MMD: variants seen among roughly 807,000 people sequenced by gnomAD.
The protein encoded by MMD is monocyte to macrophage differentiation associated, also known as monocyte to macrophage differentiation factor.
A neutral mutation model predicts 33.6 loss-of-function variants in MMD; 22 were observed. That is an observed-to-expected ratio of 0.66 (90% CI 0.47 to 0.94). The LOEUF is 0.94. Ranked by LOEUF, MMD falls within the 40% of genes least tolerant of loss-of-function variation. MMD has a pLI of 0.00. For synonymous variants in MMD, 97 were observed against 103.2 expected (o/e 0.94, Z 0.36); for missense variants, 242 against 309.8 (o/e 0.78, Z 1.64).
chr17:55,414,556 T>TCACACACACACACA (rs58103743), intron 1 of MMD, among the ~76,000 whole-genome samples: 139 of 122,960 alleles, frequency 1.1e-3, no homozygotes, highest in African/African-American at 4.0e-3. Flanking sequence ...CCTCCTCCAT[T>TCACACACACACACA]CACACACACA....
chr17:55,417,196 T>C (rs775475872), intron 1 of MMD, among the ~76,000 whole-genome samples: 10 of 152,134 alleles, frequency 6.6e-5, no homozygotes, highest in Non-Finnish European at 1.2e-4. Context: ...GTGTTCCTCA[T>C]TCTCCGAGTG....
At chr17:55,420,887 G>A (rs1361442358) in intron 1 of MMD, among the ~76,000 whole-genome samples, 1 of 152,076 alleles carries the variant, frequency 6.6e-6, no homozygotes, top group East Asian at 1.9e-4. Flanking sequence ...AGGCCACGGC[G>A]CCCCCCAGCC....
chr17:55,416,071 T>C (rs577085315), intron 1 of MMD, among the ~76,000 whole-genome samples: 2 of 152,338 alleles, frequency 1.3e-5, no homozygotes, highest in South Asian at 4.1e-4. Context: ...ATCATTGTCC[T>C]GAGACATAAC....
intron 4 of MMD, among the ~76,000 whole-genome samples, chr17:55,406,113 GGCTGGGTGCGGTGGC>G (rs1907533463): frequency 1.4e-5 from 2 of 138,996 alleles, no homozygotes; most frequent in African/African-American, 6.9e-5. Context: ...TTCAAAAACA[GGCTGGGTGCGGTGGC>G]TCACGCCTGT....
chr17:55,412,111 G>C lies in MMD; in HGVS notation c.109-694C>G, dbSNP rs142858897. On this transcript the variant is annotated intron_variant, in intron 2 of 6. Coordinates refer to ENST00000262065, the MANE Select transcript of MMD (RefSeq NM_012329.3). ...CCAAGCATATACTCAGATTTTTCAG[G>C]GAGGTCCTCATTTTAAAATATCTGT... Among the ~76,000 whole-genome samples the C allele has an allele frequency of 1.1e-3, 170 of 152,192 alleles. 1 individual carries two copies. Among genetic ancestry groups the C allele is most frequent in the Non-Finnish European group, 1.4e-3 (95 of 68,006 alleles).
rs758455643 is a variant in MMD at position 55,401,520 on chromosome 17, G to C, written c.465C>G (p.Leu155=). 4 of 1,611,990 alleles carry C rather than the reference G, an allele frequency of 2.5e-6. No individual in the cohort carries two copies. In the East Asian group the frequency reaches 8.9e-5, roughly 36 times the overall value. ...AGAATCCCATTGTGAGATAGAAAAAGAGTTCAACCACCTTATATCTGCAGG... is the reference window on the plus strand; with the variant it reads ...AGAATCCCATTGTGAGATAGAAAAACAGTTCAACCACCTTATATCTGCAGG... ...LYHEKYKVVE[L]FFYLTMGFSP... The change falls in exon 6 of 7, where the codon CTC becomes CTG. Residue 155 remains leucine, a synonymous_variant. Coordinates refer to ENST00000262065, the MANE Select transcript of MMD (RefSeq NM_012329.3).
At chr17:55,404,645 G>A in intron 4 of MMD, 5 of 985,102 alleles carry the variant, frequency 5.1e-6, no homozygotes, top group East Asian at 1.1e-4. Context: ...CCAAGAGAGA[G>A]TATGAGAAGA....
chr17:55,399,303 G>A (rs986320969), intron 6 of MMD, among the ~76,000 whole-genome samples: 2 of 152,140 alleles, frequency 1.3e-5, no homozygotes, highest in Non-Finnish European at 2.9e-5. Context: ...TGGCAGAAGG[G>A]TAAGTCTGAG....
At chr17:55,399,958 A>G (rs1907261849) in intron 6 of MMD, among the ~76,000 whole-genome samples, 1 of 152,132 alleles carries the variant, frequency 6.6e-6, no homozygotes, top group African/African-American at 2.4e-5. Flanking sequence ...AAGCTGCACA[A>G]ACCTTGCTTA....
intron 4 of MMD, among the ~76,000 whole-genome samples, chr17:55,407,192 G>T (rs1017800757): frequency 1.8e-4 from 28 of 151,970 alleles, no homozygotes; most frequent in African/African-American, 6.8e-4. Flanking sequence ...AGCCAGGCAT[G>T]GTAGCACGTG....
At chr17:55,420,082 G>GGTTT (rs796634550) in intron 1 of MMD, 1 of 152,068 alleles carries the variant, frequency 6.6e-6, no homozygotes, top group African/African-American at 2.4e-5. Context: ...AATTGAACAG[G>GGTTT]GTTTGTTTGT....
Position 55,421,589 on chromosome 17 carries a change from C to G in MMD, c.26+81G>C. 3 of 1,570,184 alleles carry G rather than the reference C, an allele frequency of 1.9e-6. No homozygotes were observed. In the South Asian group the frequency reaches 3.4e-5, roughly 18 times the overall value. On this transcript the variant is annotated intron_variant, in intron 1 of 6. Coordinates refer to ENST00000262065, the MANE Select transcript of MMD (RefSeq NM_012329.3). ...ACCCAGGATGAATCCAGGTGAGGAG[C>G]CGGGAGCCGTGCGCTTAACGGCGGG...
chr17:55,417,839 C>T (rs1908029302), intron 1 of MMD, among the ~76,000 whole-genome samples: 1 of 152,180 alleles, frequency 6.6e-6, no homozygotes. Context: ...ACATCACACA[C>T]CCCAATCCCA....
At chr17:55,405,811 C>CT (rs1341213243) in intron 4 of MMD, among the ~76,000 whole-genome samples, 1 of 152,178 alleles carries the variant, frequency 6.6e-6, no homozygotes, top group Non-Finnish European at 1.5e-5. Context: ...TAGTCAGAAT[C>CT]TAGAGGCATA....
chr17:55,398,591 A>C (rs1034797052), intron 6 of MMD, among the ~76,000 whole-genome samples: 4 of 152,032 alleles, frequency 2.6e-5, no homozygotes, highest in Non-Finnish European at 5.9e-5. Context: ...ATATTTACTT[A>C]TGGTACATGC....
intron 5 of MMD, among the ~76,000 whole-genome samples, chr17:55,402,008 C>T (rs971056125): frequency 7.6e-6 from 1 of 131,074 alleles, no homozygotes; most frequent in Admixed American, 7.8e-5. Flanking sequence ...GGCGTGAACC[C>T]GGGAGGCGGG....
intron 3 of MMD, among the ~76,000 whole-genome samples, chr17:55,410,675 C>T (rs4794583): frequency 0.17 from 26,021 of 152,150 alleles, 2,562 homozygotes; most frequent in East Asian, 0.45. Flanking sequence ...AAATGGTAAA[C>T]GCAAACTATA....
chr17:55,407,446 A>C (rs1698947296), intron 4 of MMD, among the ~76,000 whole-genome samples: 1 of 152,214 alleles, frequency 6.6e-6, no homozygotes, highest in African/African-American at 2.4e-5. Flanking sequence ...AACAATATGG[A>C]GAGCAAAGGT....
chr17:55,398,646 T>C (rs1239329606), intron 6 of MMD, among the ~76,000 whole-genome samples: 2 of 152,216 alleles, frequency 1.3e-5, no homozygotes, highest in African/African-American at 4.8e-5. Flanking sequence ...TTAAAAATTG[T>C]TGAGTTTTGT....
Sources: gnomAD v4.1 joint callset for allele counts (sites outside exome capture counted in the v4.1 genomes callset) on GRCh38, gnomAD v4.1.1 for gene constraint, MANE v1.5 for transcripts, NCBI Gene and HGNC (gene_info 2026-07-23, HGNC 2026-07-21) for gene names.